The following UBASH3B variants were observed in gnomAD, a reference collection of about 807,000 sequenced individuals.
UBASH3B encodes ubiquitin-associated and SH3 domain-containing protein B.
UBASH3B carries 37 observed loss-of-function variants against 83.4 expected under a neutral mutation model. That is an observed-to-expected ratio of 0.44 (90% confidence interval 0.34 to 0.58). The LOEUF (loss-of-function observed/expected upper bound fraction) is 0.58. UBASH3B is among the 20% of genes least tolerant of loss of function. The pLI, the probability that UBASH3B is intolerant of heterozygous loss-of-function variation, is 0.01. For missense variants in UBASH3B, 657 were observed against 827.2 expected, an observed-to-expected ratio of 0.79 and a Z score of 2.52; for synonymous variants, 304 against 318.3, an observed-to-expected ratio of 0.96 and a Z score of 0.48.
chr11:122,748,584 T>C (rs1540112), intron 1 of UBASH3B, among the ~76,000 whole-genome samples: 146,677 of 152,318 alleles, frequency 0.96, 70,916 homozygotes, highest in Middle Eastern at 1. Flanking sequence ...AATTTATTAC[T>C]ACAAAGCATT....
intron 1 of UBASH3B, among the ~76,000 whole-genome samples, chr11:122,760,454 G>A (rs764922049): frequency 3.4e-4 from 51 of 151,856 alleles, no homozygotes; most frequent in African/African-American, 9.7e-4. Context: ...TCCGCCTCCC[G>A]GGTTCAAGCA....
chr11:122,690,214 T>TA (rs1863873410), intron 1 of UBASH3B, among the ~76,000 whole-genome samples: 10 of 52,626 alleles, frequency 1.9e-4, no homozygotes, highest in Admixed American at 2.7e-4. Context: ...ATATATCCAA[T>TA]TATATATATA....
chr11:122,699,849 G>T (rs1335357906), intron 1 of UBASH3B, among the ~76,000 whole-genome samples: 2 of 152,264 alleles, frequency 1.3e-5, no homozygotes, highest in South Asian at 2.1e-4. Context: ...CTCCCAAAGT[G>T]CTGGGATTAC....
rs766731179 is a variant in UBASH3B, at chr11:122,796,138, G to A, written c.1114-18G>A. 5 of 1,613,572 alleles carry A rather than the reference G, an allele frequency of 3.1e-6. No homozygotes were observed. The African/African-American group carries it at 5.3e-5, about 17-fold the overall frequency. On this transcript the variant is annotated intron_variant, in intron 7 of 13. Coordinates refer to ENST00000284273, the MANE Select transcript of UBASH3B (RefSeq NM_032873.5). ...TTTGCCATGTGTGTCTTCACTAATA[G>A]CCTTTCTTTCTCTGCAGCCGCTGAG...
chr11:122,679,838 C>A (rs948729108), intron 1 of UBASH3B, among the ~76,000 whole-genome samples: 1 of 151,886 alleles, frequency 6.6e-6, no homozygotes, highest in African/African-American at 2.4e-5. Flanking sequence ...CTTTTCTTTT[C>A]TTTTTGGTTT....
intron 1 of UBASH3B, among the ~76,000 whole-genome samples, chr11:122,674,472 C>A (rs369345543): frequency 2.0e-5 from 3 of 150,670 alleles, no homozygotes; most frequent in Admixed American, 6.6e-5. Flanking sequence ...GCTCCGCCTC[C>A]CCGGTTCACG....
chr11:122,663,347 C>G (rs948362002), intron 1 of UBASH3B, among the ~76,000 whole-genome samples: 8 of 152,196 alleles, frequency 5.3e-5, no homozygotes, highest in African/African-American at 1.9e-4. Context: ...GAGTCACATA[C>G]ATAATCACTA....
rs138489030 is a variant in UBASH3B at position 122,770,919 on chromosome 11, A to C, written c.162-5300A>C. On this transcript the variant is annotated intron_variant, in intron 1 of 13. Transcript: ENST00000284273. ...CTTCTAGCCTCCCAGCATCCAGCTT[A>C]TCTCTCTGAAATGTATCCTTCAATG... 2.0e-5 allele frequency among the ~76,000 whole-genome samples: 3 copies of C among 152,304 alleles called. No individual in the cohort carries two copies. The East Asian group carries it at 5.8e-4, about 29-fold the overall frequency.
In UBASH3B at chr11:122,794,248, C is replaced by T. The variant is rs962153417; in HGVS notation, c.981-454C>T. 3.9e-5 allele frequency among the ~76,000 whole-genome samples: 6 copies of T among 152,036 alleles called. No individual in the cohort carries two copies. In the South Asian group the frequency reaches 8.3e-4, roughly 21 times the overall value. ...TGAGACGGGGTTTCGCCGTATCGCCCGGGCTGGAGTGCAGTGGTGCGATCT... is the reference window on the plus strand; with the variant it reads ...TGAGACGGGGTTTCGCCGTATCGCCTGGGCTGGAGTGCAGTGGTGCGATCT... On this transcript the variant is annotated intron_variant, in intron 6 of 13. Transcript: ENST00000284273.
intron 1 of UBASH3B, among the ~76,000 whole-genome samples, chr11:122,724,270 T>C (rs573899186): frequency 1.3e-5 from 2 of 152,364 alleles, no homozygotes; most frequent in African/African-American, 4.8e-5. Flanking sequence ...CACTGGTACC[T>C]ACTTCTTCAG....
At chr11:122,752,782 C>T (rs528636973) in intron 1 of UBASH3B, among the ~76,000 whole-genome samples, 3 of 152,282 alleles carry the variant, frequency 2.0e-5, no homozygotes, top group Admixed American at 6.5e-5. Context: ...GACTCGAAAG[C>T]GACTTGAGGG....
chr11:122,765,695 C>T (rs1860523958), intron 1 of UBASH3B, among the ~76,000 whole-genome samples: 1 of 152,202 alleles, frequency 6.6e-6, no homozygotes, highest in South Asian at 2.1e-4. Context: ...TGGCTCTCAG[C>T]CCATTGGGTT....
chr11:122,757,663 T>G (rs1392785633), intron 1 of UBASH3B, among the ~76,000 whole-genome samples: 1 of 151,012 alleles, frequency 6.6e-6, no homozygotes, highest in Non-Finnish European at 1.5e-5. Context: ...GGGGTAAGAG[T>G]TCTGAGTGCT....
intron 13 of UBASH3B, among the ~76,000 whole-genome samples, 165 bp downstream of exon 13, chr11:122,808,341 G>T (rs1361102418): frequency 6.6e-6 from 1 of 152,208 alleles, no homozygotes; most frequent in African/African-American, 2.4e-5. Context: ...TCTGTGCAGG[G>T]CACTTTATTA....
intron 9 of UBASH3B, among the ~76,000 whole-genome samples, chr11:122,798,331 A>C (rs999971389): frequency 1.3e-5 from 2 of 152,194 alleles, no homozygotes; most frequent in Non-Finnish European, 2.9e-5. Context: ...CCTCTTTCAC[A>C]AACTTGAAGC....
intron 1 of UBASH3B, among the ~76,000 whole-genome samples, chr11:122,690,308 A>C (rs562930394): frequency 2.1e-5 from 1 of 47,524 alleles, no homozygotes; most frequent in African/African-American, 7.1e-5. Context: ...AATTATACAT[A>C]TATATATATA....
chr11:122,705,911 A>G (rs1864112454), intron 1 of UBASH3B, among the ~76,000 whole-genome samples: 1 of 152,114 alleles, frequency 6.6e-6, no homozygotes, highest in Admixed American at 6.6e-5. Context: ...GGCGTTGACC[A>G]GGCTGGACTC....
intron 1 of UBASH3B, among the ~76,000 whole-genome samples, chr11:122,694,411 T>C (rs1385269757): frequency 1.3e-5 from 2 of 152,144 alleles, no homozygotes; most frequent in Non-Finnish European, 2.9e-5. Context: ...TGAAACTTAC[T>C]CAGGCCAGCA....
In UBASH3B at chr11:122,655,962, C is replaced by A; in HGVS notation, c.-88C>A. On this transcript the variant is annotated 5_prime_UTR_variant, in exon 1 of 14. Transcript: ENST00000284273. The stretch of plus-strand genomic sequence containing the variant: ...TCCTGCCTGGCTCTGGGTCCCCGAG[C>A]CCCCTCCCCTGGCCCAGCCCGACTC... The A allele has an allele frequency of 7.9e-7, 1 of 1,265,582 alleles. No homozygotes were observed. The highest frequency in any genetic ancestry group is 1.0e-6 in the Non-Finnish European group (1 of 976,710). The allele number at this position is 1,265,582 out of a possible 1,614,324, so 78.4% of individuals were successfully genotyped here. A position where few individuals can be genotyped will look rare whatever the true frequency, so the allele number is the denominator to read the frequency against.
Sources: allele counts gnomAD v4.1 joint callset (sites outside exome capture counted in the v4.1 genomes callset), GRCh38; gene constraint gnomAD v4.1.1; transcripts MANE v1.5; gene names NCBI Gene and HGNC (gene_info 2026-07-23, HGNC 2026-07-21).